Variants in LRMDA observed in about 807,000 individuals in gnomAD.
LRMDA encodes leucine rich melanocyte differentiation associated, also known as leucine-rich melanocyte differentiation-associated protein.
In LRMDA, 18 loss-of-function variants were observed where a neutral mutation model predicts 29.8. The observed-to-expected ratio is 0.60, with a 90% confidence interval of 0.42 to 0.90. LRMDA has a LOEUF of 0.90. LRMDA is among the 40% of genes least tolerant of loss of function. The pLI, the probability that LRMDA is intolerant of heterozygous loss-of-function variation, is 0.00. For synonymous variants in LRMDA, 125 were observed against 109.4 expected (o/e 1.14, Z -0.89); for missense variants, 273 against 273.9 (o/e 1.00, Z 0.02).
intron 2 of LRMDA, among the ~76,000 whole-genome samples, chr10:75,966,815 C>T (rs1176723707): frequency 6.6e-6 from 1 of 152,220 alleles, no homozygotes; most frequent in Non-Finnish European, 1.5e-5. Flanking sequence ...TCAGGCTATG[C>T]TTACCTTGTT....
In LRMDA at chr10:76,036,045, G is replaced by A; in HGVS notation, c.169G>A (p.Glu57Lys). Reference sequence around the variant, plus strand: ...ACTGAGCGCATTCAGGAGCCTGGAGGAACTCATCTTGGACAACAATCAGCT... The same window carrying A: ...ACTGAGCGCATTCAGGAGCCTGGAGAAACTCATCTTGGACAACAATCAGCT... ...EGLSAFRSLE[E>K]LILDNNQLGD... The change falls in exon 3 of 7, where the codon GAA becomes AAA. Residue 57 changes from glutamate to lysine, a missense_variant. Transcript: ENST00000611255. The A allele has an allele frequency of 1.9e-6, 3 of 1,614,084 alleles. No homozygotes were observed. The highest frequency in any genetic ancestry group is 1.7e-6 in the Non-Finnish European group (2 of 1,180,022).
chr10:76,417,573 ACAT>A (rs895803395), intron 6 of LRMDA, among the ~76,000 whole-genome samples: 10 of 152,298 alleles, frequency 6.6e-5, no homozygotes, highest in African/African-American at 2.4e-4. Flanking sequence ...CAACATTCAG[ACAT>A]CATATTCTAT....
intron 2 of LRMDA, among the ~76,000 whole-genome samples, chr10:75,493,429 G>GC (rs1188968548): frequency 6.7e-6 from 1 of 149,188 alleles, no homozygotes; most frequent in Non-Finnish European, 1.5e-5. Context: ...CATATGGGAA[G>GC]CCGAGGGAGC....
chr10:75,681,848 A>T (rs372627220), intron 2 of LRMDA, among the ~76,000 whole-genome samples: 1 of 152,142 alleles, frequency 6.6e-6, no homozygotes, highest in Non-Finnish European at 1.5e-5. Flanking sequence ...TCTCATCATC[A>T]TCATGTTATC....
intron 2 of LRMDA, among the ~76,000 whole-genome samples, chr10:76,027,646 G>T (rs1848083913): frequency 6.6e-6 from 1 of 152,148 alleles, no homozygotes; most frequent in Non-Finnish European, 1.5e-5. Context: ...AACTAAGAAA[G>T]ATGACTTTGA....
intron 3 of LRMDA, 138 bp from the exon 4 acceptor site, chr10:76,047,026 C>A (rs938949706): frequency 2.2e-6 from 2 of 917,570 alleles, no homozygotes; most frequent in African/African-American, 1.7e-5. Flanking sequence ...ATACCGTATA[C>A]CCACAGCTGA....
At chr10:75,578,636 A>G in intron 2 of LRMDA, among the ~76,000 whole-genome samples, 1 of 152,254 alleles carries the variant, frequency 6.6e-6, no homozygotes, top group Middle Eastern at 3.4e-3. Context: ...TTAAATTACC[A>G]CATAATTGGA....
chr10:75,560,145 T>G (rs947695411), intron 2 of LRMDA, among the ~76,000 whole-genome samples: 1 of 151,768 alleles, frequency 6.6e-6, no homozygotes, highest in Non-Finnish European at 1.5e-5. Context: ...TTTCACGATA[T>G]TGATTCTTCC....
At position 75,842,010 on chromosome 10, in the gene LRMDA, C is replaced by T. The variant is rs144208257; in HGVS notation, c.132-193998C>T. Among the ~76,000 whole-genome samples, 34 of 152,282 alleles carry T rather than the reference C, an allele frequency of 2.2e-4. No individual in the cohort carries two copies. The East Asian group carries it at 4.4e-3, about 20-fold the overall frequency. Reference sequence around the variant, plus strand: ...TAAAGTTCCTCAGTTATTTAGATATCCACGTTTTTCTGGGTCTTTCTCCAT... The same window carrying T: ...TAAAGTTCCTCAGTTATTTAGATATTCACGTTTTTCTGGGTCTTTCTCCAT... On this transcript the variant is annotated intron_variant, in intron 2 of 6. Transcript: ENST00000611255.
At chr10:76,288,400 A>G (rs1195321468) in intron 5 of LRMDA, among the ~76,000 whole-genome samples, 1 of 152,220 alleles carries the variant, frequency 6.6e-6, no homozygotes, top group East Asian at 1.9e-4. Context: ...ATGCCCATCA[A>G]CAGTAGACTG....
intron 6 of LRMDA, among the ~76,000 whole-genome samples, chr10:76,445,020 T>A (rs1842340580): frequency 6.6e-6 from 1 of 152,164 alleles, no homozygotes; most frequent in African/African-American, 2.4e-5. Context: ...ATGTATAGTG[T>A]GCCTATGAAG....
intron 2 of LRMDA, among the ~76,000 whole-genome samples, chr10:76,009,790 C>G (rs543470250): frequency 1.3e-5 from 2 of 152,018 alleles, no homozygotes; most frequent in African/African-American, 4.8e-5. Flanking sequence ...CTTCAGCTGC[C>G]GAGTCATCAG....
At chr10:75,626,756 A>C (rs1841254917) in intron 2 of LRMDA, among the ~76,000 whole-genome samples, 1 of 152,096 alleles carries the variant, frequency 6.6e-6, no homozygotes, top group Admixed American at 6.6e-5. Context: ...TGTGACAGCA[A>C]AGCCATCTTC....
chr10:76,477,729 G>T (rs1267735395), intron 6 of LRMDA, among the ~76,000 whole-genome samples: 1 of 152,018 alleles, frequency 6.6e-6, no homozygotes, highest in African/African-American at 2.4e-5. Flanking sequence ...ACAGAACAGA[G>T]CCCTCAGAAA....
chr10:76,130,256 A>G (rs1269007173), intron 5 of LRMDA, among the ~76,000 whole-genome samples: 1 of 152,166 alleles, frequency 6.6e-6, no homozygotes, highest in African/African-American at 2.4e-5. Flanking sequence ...CTAGCCGTAA[A>G]TATTCAAAAA....
At chr10:75,558,625 C>T (rs1840248033) in intron 2 of LRMDA, among the ~76,000 whole-genome samples, 1 of 149,630 alleles carries the variant, frequency 6.7e-6, no homozygotes, top group South Asian at 2.2e-4. Flanking sequence ...TGGTGTGCTG[C>T]ACCCATTAAC....
At chr10:75,538,629 GTTTT>G (rs1160358399) in intron 2 of LRMDA, among the ~76,000 whole-genome samples, 2 of 148,044 alleles carry the variant, frequency 1.4e-5, no homozygotes, top group African/African-American at 2.5e-5. Context: ...TTGTTTGTTT[GTTTT>G]GTGTTTTTGG....
intron 6 of LRMDA, among the ~76,000 whole-genome samples, chr10:76,345,689 C>T (rs1019961707): frequency 6.6e-6 from 1 of 151,886 alleles, no homozygotes; most frequent in Non-Finnish European, 1.5e-5. Flanking sequence ...TAACCTTACA[C>T]GTGCATTTAC....
In LRMDA at chr10:76,363,176, A is replaced by AGAAAGAAGGGAG. The variant is rs1459442138; in HGVS notation, c.601+38692_601+38693insAAAGAAGGGAGG. ...AAGAAAGAAAGAAAGAAAGAAAGAAAGGAGGGAGGGAGGGAGGGAGGGAGG... is the reference window on the plus strand; with the variant it reads ...AAGAAAGAAAGAAAGAAAGAAAGAAAGAAAGAAGGGAGGGAGGGAGGGAGGGAGGGAGGGAGG... On this transcript the variant is annotated intron_variant, in intron 6 of 6. Coordinates refer to ENST00000611255, the MANE Select transcript of LRMDA (RefSeq NM_001305581.2). 4.9e-3 allele frequency among the ~76,000 whole-genome samples: 106 copies of AGAAAGAAGGGAG among 21,790 alleles called. 6 individuals are homozygous for AGAAAGAAGGGAG. Among genetic ancestry groups the AGAAAGAAGGGAG allele is most frequent in the Middle Eastern group, 0.024 (1 of 42 alleles). 14.3% of individuals were successfully genotyped at this position (21,790 alleles called of 152,430 possible). A position where few individuals can be genotyped will look rare whatever the true frequency, so the allele number is the denominator to read the frequency against.
Sources: gnomAD v4.1 joint callset for allele counts (sites outside exome capture counted in the v4.1 genomes callset) on GRCh38, gnomAD v4.1.1 for gene constraint, MANE v1.5 for transcripts, NCBI Gene and HGNC (gene_info 2026-07-23, HGNC 2026-07-21) for gene names.